CCDC77: variants seen among roughly 807,000 people sequenced by gnomAD.
The protein encoded by CCDC77 is coiled-coil domain-containing protein 77.
Under a neutral mutation model 66.8 loss-of-function variants are expected in CCDC77, and 56 were observed. The observed-to-expected ratio is 0.84, with a 90% CI of 0.68 to 1.05. The LOEUF is 1.05. Among genes scored for constraint, CCDC77 ranks in the 50% least tolerant of loss-of-function variants. The pLI is 0.00. For missense variants in CCDC77, 570 were observed against 576.8 expected, an observed-to-expected ratio of 0.99 and a Z score of 0.12; for synonymous variants, 196 against 195.2, an observed-to-expected ratio of 1.00 and a Z score of -0.03.
chr12:389,561 G>C (rs1183588922), intron 1 of CCDC77: 1 of 277,808 alleles, frequency 3.6e-6, no homozygotes, highest in African/African-American at 2.3e-5. Flanking sequence ...GGGCGAGGCG[G>C]GGCGAGGCGC....
intron 5 of CCDC77, among the ~76,000 whole-genome samples, chr12:426,724 C>T (rs75464957): frequency 0.037 from 5,610 of 152,148 alleles, 297 homozygotes; most frequent in African/African-American, 0.12. Flanking sequence ...ATGGTCCCCA[C>T]GTGCCCCAGT....
At chr12:405,365 A>G (rs1459838929) in intron 1 of CCDC77, 146 bp from the exon 2 acceptor site, 1 of 152,222 alleles carries the variant, frequency 6.6e-6, no homozygotes, top group Non-Finnish European at 1.5e-5. Flanking sequence ...TGATAGGTAC[A>G]CGTATCTGTG....
intron 2 of CCDC77, among the ~76,000 whole-genome samples, chr12:407,220 T>G (rs971390010): frequency 1.3e-5 from 2 of 152,142 alleles, no homozygotes; most frequent in African/African-American, 4.8e-5. Flanking sequence ...ATTCTAGATA[T>G]TTGGATGAGC....
At chr12:398,543 G>GA (rs1386080278), upstream of CCDC77, among the ~76,000 whole-genome samples, 1 of 150,662 alleles carries the variant, frequency 6.6e-6, no homozygotes, top group Non-Finnish European at 1.5e-5. Context: ...GGGTTCAAGC[G>GA]ATTCTCCTGC....
chr12:440,082 A>G (rs1345478809), intron 10 of CCDC77, among the ~76,000 whole-genome samples: 1 of 152,224 alleles, frequency 6.6e-6, no homozygotes, highest in Non-Finnish European at 1.5e-5. Context: ...AGGAAGTGGT[A>G]TGCTCTTTAA....
intron 10 of CCDC77, among the ~76,000 whole-genome samples, chr12:439,958 A>T (rs893770635): frequency 6.6e-6 from 1 of 152,188 alleles, no homozygotes; most frequent in Non-Finnish European, 1.5e-5. Flanking sequence ...TAAGCTTGCC[A>T]TACAGACCTT....
intron 6 of CCDC77, among the ~76,000 whole-genome samples, chr12:429,081 A>T (rs1945595603): frequency 6.6e-6 from 1 of 152,214 alleles, no homozygotes; most frequent in African/African-American, 2.4e-5. Context: ...TGAAGCACAG[A>T]GGGGTGGCTG....
intron 2 of CCDC77, among the ~76,000 whole-genome samples, chr12:406,772 C>T (rs1944998758): frequency 6.6e-6 from 1 of 152,142 alleles, no homozygotes; most frequent in African/African-American, 2.4e-5. Context: ...CATGGTGAAA[C>T]CCCGTCTCTA....
At chr12:417,936 TA>T (rs974563932) in intron 4 of CCDC77, among the ~76,000 whole-genome samples, 18 of 152,030 alleles carry the variant, frequency 1.2e-4, no homozygotes, top group African/African-American at 4.3e-4. Flanking sequence ...AGGTGAGTCG[TA>T]CAGCATTCTG....
intron 5 of CCDC77, among the ~76,000 whole-genome samples, chr12:423,878 T>C (rs1296651875): frequency 6.6e-6 from 1 of 152,208 alleles, no homozygotes; most frequent in African/African-American, 2.4e-5. Flanking sequence ...TTTTTAAATG[T>C]TGAGCATCTT....
intron 1 of CCDC77, among the ~76,000 whole-genome samples, chr12:389,810 CTCTT>C (rs1384069877): frequency 2.6e-5 from 4 of 152,190 alleles, no homozygotes; most frequent in African/African-American, 9.6e-5. Context: ...TCCAGCATTT[CTCTT>C]TTTTTAGCCC....
chr12:432,557 A>G (rs756046064), intron 8 of CCDC77, among the ~76,000 whole-genome samples: 4 of 152,246 alleles, frequency 2.6e-5, no homozygotes, highest in African/African-American at 9.6e-5. Flanking sequence ...CCAAAAACTA[A>G]GAAAAGAGTC....
chr12:417,663 C>G (rs1408911918), intron 4 of CCDC77, among the ~76,000 whole-genome samples: 1 of 152,088 alleles, frequency 6.6e-6, no homozygotes. Flanking sequence ...GCCTGTAATC[C>G]CAGCACTTTG....
intron 4 of CCDC77, among the ~76,000 whole-genome samples, chr12:417,672 T>C (rs1486498796): frequency 6.6e-6 from 1 of 152,068 alleles, no homozygotes; most frequent in East Asian, 1.9e-4. Flanking sequence ...CCCAGCACTT[T>C]GGGAGGCCAA....
In CCDC77 at chr12:430,807, G is replaced by A. The variant is rs1945635074; in HGVS notation, c.583+71G>A. 1.5e-5 allele frequency: 18 copies of A among 1,237,552 alleles called. No individual in the cohort carries two copies. The East Asian group carries it at 2.1e-4, about 15-fold the overall frequency. The allele number at this position is 1,237,552 out of a possible 1,614,324, so 76.7% of individuals were successfully genotyped here. A position where few individuals can be genotyped will look rare whatever the true frequency, so the allele number is the denominator to read the frequency against. On this transcript the variant is annotated intron_variant, in intron 7 of 12. Transcript: ENST00000239830. ...GAAAATCACAGTGCAGGCTGGGCGCGGTGGCTCACGCCTGTAATCCCAGCA... is the reference window on the plus strand; with the variant it reads ...GAAAATCACAGTGCAGGCTGGGCGCAGTGGCTCACGCCTGTAATCCCAGCA...
At chr12:439,451 C>T (rs1237721903) in intron 10 of CCDC77, among the ~76,000 whole-genome samples, 1 of 150,596 alleles carries the variant, frequency 6.6e-6, no homozygotes, top group East Asian at 1.9e-4. Flanking sequence ...ACCCGGGAGG[C>T]AGAGGTTGCA....
chr12:389,622 A>T, intron 1 of CCDC77: 1 of 161,964 alleles, frequency 6.2e-6, no homozygotes, highest in Middle Eastern at 2.4e-3. Flanking sequence ...TCCGGCGCGG[A>T]GGAATGTGTA....
chr12:390,819 A>T (rs1056463841), intron 1 of CCDC77, among the ~76,000 whole-genome samples: 3 of 152,180 alleles, frequency 2.0e-5, no homozygotes, highest in Admixed American at 2.0e-4. Flanking sequence ...GGAGGGTTCA[A>T]GATGGCCTCA....
intron 1 of CCDC77, among the ~76,000 whole-genome samples, chr12:396,235 T>C (rs774432024): frequency 1.3e-5 from 2 of 151,836 alleles, no homozygotes; most frequent in Non-Finnish European, 2.9e-5. Flanking sequence ...CTACTAAAAA[T>C]ACAAAAATTA....
Sources: gnomAD v4.1 joint callset for allele counts (sites outside exome capture counted in the v4.1 genomes callset) on GRCh38, gnomAD v4.1.1 for gene constraint, MANE v1.5 for transcripts, NCBI Gene and HGNC (gene_info 2026-07-23, HGNC 2026-07-21) for gene names.